TRHDE: variants seen among roughly 807,000 people sequenced by gnomAD.
TRHDE encodes thyrotropin-releasing hormone-degrading ectoenzyme.
A neutral mutation model predicts 125.7 loss-of-function variants in TRHDE; 72 were observed. That is an observed-to-expected ratio of 0.57 (90% CI 0.47 to 0.70). TRHDE has a LOEUF of 0.70. Ranked by LOEUF, TRHDE falls within the 30% of genes least tolerant of loss-of-function variation. The pLI, the probability that TRHDE is intolerant of heterozygous loss-of-function variation, is 0.00. For synonymous variants in TRHDE, 509 were observed against 509.1 expected, an observed-to-expected ratio of 1.00 and a Z score of 0.00; for missense variants, 1,110 against 1,327.1, an observed-to-expected ratio of 0.84 and a Z score of 2.54.
intron 6 of TRHDE, among the ~76,000 whole-genome samples, chr12:72,510,749 A>T (rs1429299412): frequency 1.3e-5 from 2 of 152,220 alleles, no homozygotes; most frequent in African/African-American, 2.4e-5. Context: ...AGCACTGGTT[A>T]TGATCATCTC....
intron 2 of TRHDE, among the ~76,000 whole-genome samples, chr12:72,171,392 A>T (rs1876870571): frequency 6.6e-6 from 1 of 152,190 alleles, no homozygotes; most frequent in Non-Finnish European, 1.5e-5. Context: ...AGGCTTAAAA[A>T]ATTATTTGGA....
At chr12:72,562,080 A>G in intron 7 of TRHDE, 85 bp from the exon 8 acceptor site, 1 of 604,356 alleles carries the variant, frequency 1.7e-6, no homozygotes, top group Non-Finnish European at 3.0e-6. Flanking sequence ...ATTCCAACAA[A>G]TGAAAATTAT....
intron 7 of TRHDE, 121 bp from the exon 8 acceptor site, chr12:72,562,044 T>TC (rs1260939918): frequency 5.6e-5 from 29 of 522,062 alleles, no homozygotes; most frequent in African/African-American, 4.7e-4. Flanking sequence ...TTATTTATCT[T>TC]TTTTATGTCC....
chr12:72,275,730 A>G (rs1479247230), intron 1 of TRHDE, among the ~76,000 whole-genome samples: 2 of 152,194 alleles, frequency 1.3e-5, no homozygotes, highest in African/African-American at 4.8e-5. Flanking sequence ...GGACTCTTAA[A>G]AAGACCAGAT....
intron 1 of TRHDE, among the ~76,000 whole-genome samples, chr12:72,281,746 A>G (rs1565683065): frequency 6.6e-6 from 1 of 152,186 alleles, no homozygotes; most frequent in Admixed American, 6.5e-5. Context: ...AAAATAATGG[A>G]GCAGAAATTG....
chr12:72,332,569 G>A (rs1869655062), intron 2 of TRHDE, among the ~76,000 whole-genome samples: 1 of 152,110 alleles, frequency 6.6e-6, no homozygotes, highest in South Asian at 2.1e-4. Flanking sequence ...TCCAACATTG[G>A]CAATCACATT....
intron 2 of TRHDE, among the ~76,000 whole-genome samples, chr12:72,329,597 C>T (rs1869492452): frequency 6.6e-6 from 1 of 152,104 alleles, no homozygotes; most frequent in South Asian, 2.1e-4. Flanking sequence ...ATTTATAGCT[C>T]ATTCCTATTT....
chr12:72,509,987 G>T (rs935253477), intron 6 of TRHDE, among the ~76,000 whole-genome samples: 1 of 152,156 alleles, frequency 6.6e-6, no homozygotes, highest in Non-Finnish European at 1.5e-5. Flanking sequence ...TTCCAGAGGG[G>T]AAAGAAAGAT....
intron 6 of TRHDE, among the ~76,000 whole-genome samples, chr12:72,534,763 A>G (rs1313374299): frequency 1.3e-5 from 2 of 152,136 alleles, no homozygotes; most frequent in African/African-American, 4.8e-5. Flanking sequence ...TGTGGACTAT[A>G]CTATGGTATG....
At chr12:72,517,081 TC>T (rs1324446453) in intron 6 of TRHDE, among the ~76,000 whole-genome samples, 3 of 151,910 alleles carry the variant, frequency 2.0e-5, no homozygotes, top group Non-Finnish European at 2.9e-5. Flanking sequence ...TCAATGTTCA[TC>T]AAGGATATTG....
At chr12:72,402,678 T>A (rs1873093893) in intron 3 of TRHDE, among the ~76,000 whole-genome samples, 1 of 152,204 alleles carries the variant, frequency 6.6e-6, no homozygotes, top group Non-Finnish European at 1.5e-5. Flanking sequence ...AGGGTTAGGA[T>A]GTCAACTTCT....
intron 5 of TRHDE, 115 bp downstream of exon 5, chr12:72,473,295 C>A: frequency 2.8e-6 from 2 of 706,002 alleles, no homozygotes; most frequent in Admixed American, 2.8e-5. Flanking sequence ...GAAAATGTAT[C>A]AATAAAGTGT....
At chr12:72,289,416 T>C (rs1880007156) in intron 2 of TRHDE, among the ~76,000 whole-genome samples, 1 of 152,112 alleles carries the variant, frequency 6.6e-6, no homozygotes, top group South Asian at 2.1e-4. Flanking sequence ...GGTACAGAGA[T>C]TGCAAATTCA....
At chr12:72,649,265 T>G (rs1272022424) in intron 15 of TRHDE, among the ~76,000 whole-genome samples, 2 of 151,752 alleles carry the variant, frequency 1.3e-5, no homozygotes, top group Non-Finnish European at 2.9e-5. Context: ...TCTTCAACAA[T>G]GGTGACAAAT....
At chr12:72,318,574 G>T (rs182813079) in intron 2 of TRHDE, among the ~76,000 whole-genome samples, 1 of 152,186 alleles carries the variant, frequency 6.6e-6, no homozygotes, top group East Asian at 1.9e-4. Flanking sequence ...GAACACCACG[G>T]CCCAGCTGTG....
At chr12:72,480,929 A>G (rs1375698078) in intron 5 of TRHDE, among the ~76,000 whole-genome samples, 1 of 152,112 alleles carries the variant, frequency 6.6e-6, no homozygotes, top group Non-Finnish European at 1.5e-5. Context: ...CCACTATTTT[A>G]TCTCTCCTTC....
intron 3 of TRHDE, among the ~76,000 whole-genome samples, chr12:72,409,988 A>G (rs1873426835): frequency 6.6e-6 from 1 of 152,096 alleles, no homozygotes; most frequent in African/African-American, 2.4e-5. Context: ...AAAGCCAAAA[A>G]GTCGATTTTC....
At chr12:72,634,134 GGAATTATTATCCCCATTTTCCAGAA>G (rs1873616674) in intron 15 of TRHDE, among the ~76,000 whole-genome samples, 2 of 152,154 alleles carry the variant, frequency 1.3e-5, no homozygotes, top group African/African-American at 4.8e-5. Context: ...AGCCCTGTAA[GGAATTATTATCCCCATTTTCCAGAA>G]GGGGAAACTG....
chr12:72,176,164 T>C (rs74543408), intron 2 of TRHDE, among the ~76,000 whole-genome samples: 5,782 of 152,098 alleles, frequency 0.038, 216 homozygotes, highest in African/African-American at 0.092. Flanking sequence ...TGAGACCAGC[T>C]TGAGCAATAT....
Sources: allele counts gnomAD v4.1 joint callset (sites outside exome capture counted in the v4.1 genomes callset), GRCh38; gene constraint gnomAD v4.1.1; transcripts MANE v1.5; gene names NCBI Gene and HGNC (gene_info 2026-07-23, HGNC 2026-07-21).